ANKRD30A: variants seen among roughly 807,000 people sequenced by gnomAD.
ANKRD30A encodes ankyrin repeat domain-containing protein 30A.
A neutral mutation model predicts 166.3 loss-of-function variants in ANKRD30A; 170 were observed. The observed-to-expected ratio is 1.02, with a 90% CI of 0.90 to 1.16. The LOEUF (loss-of-function observed/expected upper bound fraction) is 1.16. ANKRD30A is among the 50% of genes most tolerant of loss of function. The pLI, the probability that ANKRD30A is intolerant of heterozygous loss-of-function variation, is 0.00. For synonymous variants in ANKRD30A, 564 were observed against 508.9 expected (o/e 1.11, Z -1.46); for missense variants, 1,630 against 1,518.0 (o/e 1.07, Z -1.23).
intron 13 of ANKRD30A, 56 bp from the exon 14 acceptor site, chr10:37,158,336 C>T (rs1048043360): frequency 1.9e-5 from 29 of 1,566,094 alleles, no homozygotes; most frequent in Admixed American, 5.1e-5. Flanking sequence ...TGTGAATGTT[C>T]GGTAGGCTTT....
intron 3 of ANKRD30A, among the ~76,000 whole-genome samples, chr10:37,130,664 A>T (rs921469055): frequency 6.6e-6 from 1 of 152,202 alleles, no homozygotes; most frequent in African/African-American, 2.4e-5. Flanking sequence ...CAATTAGTGT[A>T]AAACTAGAGG....
intron 4 of ANKRD30A, among the ~76,000 whole-genome samples, chr10:37,132,551 A>T (rs1212700263): frequency 1.3e-5 from 2 of 152,208 alleles, no homozygotes; most frequent in Non-Finnish European, 2.9e-5. Flanking sequence ...ATATTGACTG[A>T]TTCCTATGTG....
intron 29 of ANKRD30A, among the ~76,000 whole-genome samples, chr10:37,198,764 G>A (rs1164127270): frequency 1.3e-5 from 2 of 152,054 alleles, no homozygotes; most frequent in African/African-American, 4.8e-5. Context: ...TGAAAATCAG[G>A]TATACAATTG....
chr10:37,149,044 A>G lies in ANKRD30A; in HGVS notation c.1544-607A>G, dbSNP rs1837715080. 5.9e-5 allele frequency among the ~76,000 whole-genome samples: 9 copies of G among 152,036 alleles called. No homozygotes were observed. The South Asian group carries it at 1.7e-3, about 28-fold the overall frequency. On this transcript the variant is annotated intron_variant, in intron 9 of 35. Transcript: ENST00000361713. ...AAGCTTATTATAGATTATTTCCATGATGAGTTTTATACATCATCTTGCATG... is the reference window on the plus strand; with the variant it reads ...AAGCTTATTATAGATTATTTCCATGGTGAGTTTTATACATCATCTTGCATG...
the ANKRD30A span, among the ~76,000 whole-genome samples, chr10:37,263,737 G>A: frequency 6.6e-6 from 1 of 152,196 alleles, no homozygotes; most frequent in East Asian, 1.9e-4. Flanking sequence ...CTCCTGCTGT[G>A]CAGCCTGGTT....
the ANKRD30A span, among the ~76,000 whole-genome samples, chr10:37,249,596 C>A: frequency 6.6e-6 from 1 of 152,090 alleles, no homozygotes; most frequent in Admixed American, 6.5e-5. Flanking sequence ...ATTCCCAGAA[C>A]AACTTGTAAA....
At chr10:37,248,712 T>A in the ANKRD30A span, among the ~76,000 whole-genome samples, 5 of 151,758 alleles carry the variant, frequency 3.3e-5, no homozygotes, top group Admixed American at 1.3e-4. Context: ...TTTTTTTTTT[T>A]AATGAAACAG....
At chr10:37,223,323 G>T (rs1842978946) in intron 34 of ANKRD30A, among the ~76,000 whole-genome samples, 1 of 149,808 alleles carries the variant, frequency 6.7e-6, no homozygotes, top group South Asian at 2.1e-4. Flanking sequence ...AAAAGAAAAA[G>T]AAAAAAAAAC....
chr10:37,149,577 A>G (rs1837757182), intron 9 of ANKRD30A, 74 bp from the exon 10 acceptor site: 5 of 1,516,128 alleles, frequency 3.3e-6, no homozygotes, highest in Admixed American at 1.7e-5. Flanking sequence ...TCAGTTACAT[A>G]CTATGACTGC....
chr10:37,254,165 G>A, the ANKRD30A span, among the ~76,000 whole-genome samples: 3 of 152,120 alleles, frequency 2.0e-5, no homozygotes, highest in African/African-American at 7.2e-5. Flanking sequence ...TGGTAATGCT[G>A]CTATAACATT....
At chr10:37,151,299 C>T (rs1837916503) in intron 11 of ANKRD30A, among the ~76,000 whole-genome samples, 1 of 152,044 alleles carries the variant, frequency 6.6e-6, no homozygotes, top group Non-Finnish European at 1.5e-5. Context: ...CTCGTCAAGT[C>T]TTGAGTGGGC....
At chr10:37,263,296 A>G in the ANKRD30A span, among the ~76,000 whole-genome samples, 4 of 152,016 alleles carry the variant, frequency 2.6e-5, no homozygotes, top group Admixed American at 6.6e-5. Flanking sequence ...GACTGGTTTC[A>G]TGGAAGACAG....
At position 37,216,131 on chromosome 10, in the gene ANKRD30A, A is replaced by G. The variant is rs568240521; in HGVS notation, c.2870-50A>G. On this transcript the variant is annotated intron_variant, in intron 31 of 35. Coordinates refer to ENST00000361713, the MANE Select transcript of ANKRD30A (RefSeq NM_052997.3). ...TGATTGTTAAAATATGCAGCCCTTT[A>G]TATCCCAAAAGTACTAATATATTTT... The G allele has an allele frequency of 2.1e-5, 28 of 1,350,268 alleles. No individual in the cohort carries two copies. In the Admixed American group the frequency reaches 5.7e-4, roughly 27 times the overall value. The allele number at this position is 1,350,268 out of a possible 1,614,324, so 83.6% of individuals were successfully genotyped here. A position where few individuals can be genotyped will look rare whatever the true frequency, so the allele number is the denominator to read the frequency against.
intron 8 of ANKRD30A, among the ~76,000 whole-genome samples, 170 bp downstream of exon 8, chr10:37,145,226 C>T (rs2132541000): frequency 6.6e-6 from 1 of 152,324 alleles, no homozygotes. Context: ...CCTGTAATCC[C>T]AGCACTTCGG....
At chr10:37,138,583 C>G (rs191569380) in intron 6 of ANKRD30A, among the ~76,000 whole-genome samples, 66 of 152,234 alleles carry the variant, frequency 4.3e-4, no homozygotes, top group African/African-American at 1.1e-3. Flanking sequence ...GACGAATGCA[C>G]AAGCCTCAGT....
At chr10:37,217,305 A>G (rs572763382) in intron 32 of ANKRD30A, among the ~76,000 whole-genome samples, 25 of 151,154 alleles carry the variant, frequency 1.7e-4, no homozygotes, top group African/African-American at 5.3e-4. Context: ...ATAAAAAGTA[A>G]TCAGTTAACT....
At chr10:37,152,221 A>G (rs1262594365) in intron 12 of ANKRD30A, 100 bp downstream of exon 12, 5 of 972,680 alleles carry the variant, frequency 5.1e-6, no homozygotes, top group Admixed American at 5.1e-5. Context: ...TTCATATGTC[A>G]CCCCGAAATT....
At chr10:37,161,446 T>C (rs1200880) in intron 15 of ANKRD30A, among the ~76,000 whole-genome samples, 27,237 of 152,134 alleles carry the variant, frequency 0.18, 3,115 homozygotes, top group Admixed American at 0.26. Context: ...GGTTTTTTTT[T>C]ATTTTCTGTT....
Position 37,157,660 on chromosome 10 carries a change from A to G in ANKRD30A, c.1799-732A>G, listed in dbSNP as rs145476073. On this transcript the variant is annotated intron_variant, in intron 13 of 35. Coordinates refer to ENST00000361713, the MANE Select transcript of ANKRD30A (RefSeq NM_052997.3). ...ATTGCTGGAATTACAGGCATGAGCC[A>G]CTGCACCTGGCCTGTATTGGTTTGT... Among the ~76,000 whole-genome samples, 1,437 of 152,278 alleles carry G rather than the reference A, an allele frequency of 9.4e-3. 31 individuals carry two copies. The highest frequency in any genetic ancestry group is 0.033 in the African/African-American group (1,360 of 41,548).
Sources: allele counts gnomAD v4.1 joint callset (sites outside exome capture counted in the v4.1 genomes callset), GRCh38; gene constraint gnomAD v4.1.1; transcripts MANE v1.5; gene names NCBI Gene and HGNC (gene_info 2026-07-23, HGNC 2026-07-21).